TUBA4A: variants seen among roughly 807,000 people sequenced by gnomAD.
TUBA4A encodes tubulin alpha-4A chain.
TUBA4A carries 23 observed loss-of-function variants against 34.3 expected under a neutral mutation model. That is an observed-to-expected ratio of 0.67 (90% CI 0.48 to 0.95). The LOEUF (loss-of-function observed/expected upper bound fraction) is 0.95, where lower values mean the gene tolerates loss of function less well. Among genes scored for constraint, TUBA4A ranks in the 40% least tolerant of loss-of-function variants. The pLI, the probability that TUBA4A is intolerant of heterozygous loss-of-function variation, is 0.00. For missense variants in TUBA4A, 279 were observed against 599.0 expected (o/e 0.47, Z 5.58); for synonymous variants, 216 against 230.5 (o/e 0.94, Z 0.57).
chr2:219,251,831 T>A lies in TUBA4A; in HGVS notation c.227-118A>T. On this transcript the variant is annotated intron_variant, in intron 2 of 3. Transcript: ENST00000248437. This position sits in a 1 kb window ranked among gnomAD's most constrained non-coding sequence, Gnocchi z 6.1. ...CCTGCCAGCCTGAGATACCAGAGTG[T>A]GAGAGAAACCCAGACCAGCTGCCCA... is the stretch of plus-strand genomic sequence containing the variant. 1.4e-6 allele frequency: 2 copies of A among 1,435,470 alleles called. No individual in the cohort carries two copies. Among genetic ancestry groups the A allele is most frequent in the Non-Finnish European group, 1.9e-6 (2 of 1,062,788 alleles). The allele number at this position is 1,435,470 out of a possible 1,614,324, so 88.9% of individuals were successfully genotyped here.
chr2:219,253,768 G>T, intron 1 of TUBA4A, 88 bp downstream of exon 1: 1 of 1,464,902 alleles, frequency 6.8e-7, no homozygotes, highest in Non-Finnish European at 9.3e-7. Context: ...ACGCCCGGTG[G>T]AGGTCCCCGA....
rs1193977522 is a variant in TUBA4A at position 219,252,568 on chromosome 2, C to T, written c.4-338G>A. 7.0e-6 allele frequency among the ~76,000 whole-genome samples: 1 copy of T among 142,766 alleles called. No homozygotes were observed. Among genetic ancestry groups the T allele is most frequent in the Non-Finnish European group, 1.5e-5 (1 of 65,250 alleles). 93.7% of individuals were successfully genotyped at this position (142,766 alleles called of 152,430 possible). A position where few individuals can be genotyped will look rare whatever the true frequency, so the allele number is the denominator to read the frequency against. On this transcript the variant is annotated intron_variant, in intron 1 of 3. Coordinates refer to ENST00000248437, the MANE Select transcript of TUBA4A (RefSeq NM_006000.3). This position sits in a 1 kb window ranked among gnomAD's most constrained non-coding sequence, Gnocchi z 4.1. ...CCCCCCCCACTTGATTAATTATTTG[C>T]TTTGAGTATGAACAGCTAGAATTCA... is the stretch of plus-strand genomic sequence containing the variant.
At chr2:219,253,052 G>T (rs1275535446) in intron 1 of TUBA4A, 6 of 1,022,120 alleles carry the variant, frequency 5.9e-6, no homozygotes, top group Non-Finnish European at 8.6e-6. Context: ...CTTGTCCCGG[G>T]CAGGATGGGC....
chr2:219,253,808 AG>A, intron 1 of TUBA4A, 47 bp downstream of exon 1: 1 of 1,538,078 alleles, frequency 6.5e-7, no homozygotes, highest in Non-Finnish European at 8.8e-7. Flanking sequence ...CCCCCAAAGG[AG>A]AGGGGCAATT....
chr2:219,251,842 C>T lies in TUBA4A; in HGVS notation c.227-129G>A. On this transcript the variant is annotated intron_variant, in intron 2 of 3. Coordinates refer to ENST00000248437, the MANE Select transcript of TUBA4A (RefSeq NM_006000.3). The surrounding 1 kb of genome is among the most constrained non-coding windows in gnomAD (Gnocchi z 6.1). ...GAGATACCAGAGTGTGAGAGAAACC[C>T]AGACCAGCTGCCCAGGCCAGTCTCA... is the stretch of plus-strand genomic sequence containing the variant. 1 of 1,397,146 alleles carries T rather than the reference C, an allele frequency of 7.2e-7. No homozygotes were observed. 86.5% of individuals were successfully genotyped at this position (1,397,146 alleles called of 1,614,324 possible). A position where few individuals can be genotyped will look rare whatever the true frequency, so the allele number is the denominator to read the frequency against.
At chr2:219,253,708 G>A (rs1951687439) in intron 1 of TUBA4A, 148 bp downstream of exon 1, 1 of 991,688 alleles carries the variant, frequency 1.0e-6, no homozygotes, top group Non-Finnish European at 1.5e-6. Context: ...TCACCAGGAG[G>A]GGGTTGGGGA....
chr2:219,253,354 C>CGGG (rs60456844), intron 1 of TUBA4A: 2,350 of 1,299,018 alleles, frequency 1.8e-3, no homozygotes, highest in South Asian at 0.012. Context: ...TGCTGAGTCA[C>CGGG]GGGGGGGGGG....
At position 219,251,424 on chromosome 2, in the gene TUBA4A, C is replaced by G; in HGVS notation, c.376-101G>C. On this transcript the variant is annotated intron_variant, in intron 3 of 3. Transcript: ENST00000248437. This position sits in a 1 kb window ranked among gnomAD's most constrained non-coding sequence, Gnocchi z 6.1. ...GCGTAAGATACATCAGCAGTCAGGGCAAATACTGAGGATGCCATAGCAGCA... is the reference window on the plus strand; with the variant it reads ...GCGTAAGATACATCAGCAGTCAGGGGAAATACTGAGGATGCCATAGCAGCA... 6.5e-7 allele frequency: 1 copy of G among 1,537,426 alleles called. No homozygotes were observed. The highest frequency in any genetic ancestry group is 8.8e-7 in the Non-Finnish European group (1 of 1,138,826).
intron 1 of TUBA4A, chr2:219,253,375 G>A (rs1317207812): frequency 6.5e-7 from 1 of 1,535,592 alleles, no homozygotes; most frequent in Non-Finnish European, 8.7e-7. Context: ...TGGTTCTGTG[G>A]ATAGTTGGAA....
chr2:219,250,210 A>G lies in TUBA4A; in HGVS notation c.*142T>C. ...GCGATGGAAGGGATAAGGGTCATGA[A>G]CAGCAAACAGAGCAGCAGCAGCATG... is the stretch of plus-strand genomic sequence containing the variant. On this transcript the variant is annotated 3_prime_UTR_variant, in exon 4 of 4. Transcript: ENST00000248437. The surrounding 1 kb of genome is among the most constrained non-coding windows in gnomAD (Gnocchi z 8.4). 8.0e-7 allele frequency: 1 copy of G among 1,252,308 alleles called. No individual in the cohort carries two copies. The highest frequency in any genetic ancestry group is 1.1e-6 in the Non-Finnish European group (1 of 893,790). 77.6% of individuals were successfully genotyped at this position (1,252,308 alleles called of 1,614,324 possible).
rs575169424 is a variant in TUBA4A at position 219,251,153 on chromosome 2, G to A, written c.546C>T (p.Val182=). 40 of 1,614,120 alleles carry A rather than the reference G, an allele frequency of 2.5e-5. No individual in the cohort carries two copies. The highest frequency in any genetic ancestry group is 2.3e-4 in the Admixed American group (14 of 60,024). Residue 182 remains valine, a synonymous_variant, in exon 4 of 4, where the codon GTC becomes GTT. Coordinates refer to ENST00000248437, the MANE Select transcript of TUBA4A (RefSeq NM_006000.3). This position sits in a 1 kb window ranked among gnomAD's most constrained non-coding sequence, Gnocchi z 6.1. ...TGGTCAGGATAGAGTTGTAGGGCTC[G>A]ACCACGGCTGTAGACACCTGGGGGG... is the stretch of plus-strand genomic sequence containing the variant. ...YPAPQVSTAV[V]EPYNSILTTH...
In TUBA4A at chr2:219,253,058, TG is replaced by T. The variant is rs555802911; in HGVS notation, c.3+797del. ...GTGACCCGCCTTGTCCCGGGCAGGA[TG>T]GGCGCCATCCTGCAGCCCAGCCCTA... On this transcript the variant is annotated intron_variant, in intron 1 of 3. Transcript: ENST00000248437. 1,410 of 1,092,940 alleles carry T rather than the reference TG, an allele frequency of 1.3e-3. 17 individuals carry two copies. The South Asian group carries it at 0.018, about 14-fold the overall frequency. The allele number at this position is 1,092,940 out of a possible 1,614,324, so 67.7% of individuals were successfully genotyped here. A position where few individuals can be genotyped will look rare whatever the true frequency, so the allele number is the denominator to read the frequency against.
At position 219,253,187 on chromosome 2, in the gene TUBA4A, AC is replaced by A. The variant is rs1454236638; in HGVS notation, c.3+668del. ...GCTATAAATACCACCCCCTACATGC[AC>A]CTCTCTCCCCTCCCCCCAACCTGGC... is the stretch of plus-strand genomic sequence containing the variant. On this transcript the variant is annotated intron_variant, in intron 1 of 3. Coordinates refer to ENST00000248437, the MANE Select transcript of TUBA4A (RefSeq NM_006000.3). The A allele has an allele frequency of 3.3e-6, 5 of 1,500,568 alleles. No homozygotes were observed. In the African/African-American group the frequency reaches 5.8e-5, roughly 17 times the overall value. 93.0% of individuals were successfully genotyped at this position (1,500,568 alleles called of 1,614,324 possible).
chr2:219,253,489 G>A (rs937880265), intron 1 of TUBA4A: 2 of 1,262,018 alleles, frequency 1.6e-6, no homozygotes, highest in Admixed American at 2.0e-5. Flanking sequence ...AGGGACTGGG[G>A]ATGTAAGAGG....
In TUBA4A at chr2:219,250,878, G is replaced by A. The variant is rs758365970; in HGVS notation, c.821C>T (p.Pro274Leu). Residue 274 changes from proline to leucine, a missense_variant, in exon 4 of 4, where the codon CCA becomes CTA. By Grantham distance (98) the Pro-to-Leu change is moderately conservative. This residue lies in a region of TUBA4A where 108 missense variants were observed against 299.9 expected (regional missense o/e 0.36). Transcript: ENST00000248437. The surrounding 1 kb of genome is among the most constrained non-coding windows in gnomAD (Gnocchi z 8.4). ...RIHFPLATYA[P>L]VISAEKAYHE... ...GTATGCCTTTTCTGCAGAGATGACT[G>A]GTGCATAGGTGGCCAGGGGGAAGTG... The A allele has an allele frequency of 6.2e-7, 1 of 1,614,142 alleles. No individual in the cohort carries two copies. Among genetic ancestry groups the A allele is most frequent in the South Asian group, 1.1e-5 (1 of 91,080 alleles).
At chr2:219,253,512 G>A in intron 1 of TUBA4A, 1 of 1,079,042 alleles carries the variant, frequency 9.3e-7, no homozygotes, top group Non-Finnish European at 1.4e-6. Flanking sequence ...AGCCAAACCC[G>A]TCTTCTTTTG....
chr2:219,252,845 G>A lies in TUBA4A; in HGVS notation c.4-615C>T, dbSNP rs1951670862. 4.2e-6 allele frequency: 2 copies of A among 472,158 alleles called. No individual in the cohort carries two copies. The highest frequency in any genetic ancestry group is 4.0e-5 in the African/African-American group (2 of 50,104). The allele number at this position is 472,158 out of a possible 1,614,324, so 29.2% of individuals were successfully genotyped here. On this transcript the variant is annotated intron_variant, in intron 1 of 3. Transcript: ENST00000248437. The surrounding 1 kb of genome is among the most constrained non-coding windows in gnomAD (Gnocchi z 4.1). ...GTAATGCTTGTAAGCTCAGACAGCA[G>A]GGGCCAGCAATAAGGTTTGAGGGTA...
At chr2:219,253,950 C>CGGG (rs3051654), upstream of TUBA4A, 7 of 509,200 alleles carry the variant, frequency 1.4e-5, no homozygotes, top group African/African-American at 8.3e-5. Flanking sequence ...CCCTTATAGG[C>CGGG]GGGGGGGGGG....
At position 219,250,579 on chromosome 2, in the gene TUBA4A, C is replaced by A; in HGVS notation, c.1120G>T (p.Ala374Ser). The A allele has an allele frequency of 6.2e-7, 1 of 1,614,246 alleles. No individual in the cohort carries two copies. Among genetic ancestry groups the A allele is most frequent in the Non-Finnish European group, 8.5e-7 (1 of 1,180,044 alleles). ...GTCGTGTTGCTCAGCATGCACACGG[C>A]ACGCTGCACCTTGGCCAGGTCACCC... ...PGGDLAKVQR[A>S]VCMLSNTTAI... Residue 374 changes from alanine to serine, a missense_variant, in exon 4 of 4, where the codon GCC becomes TCC. By Grantham distance (99) the Ala-to-Ser change is moderately conservative. Around this residue, in one of 3 missense-constraint regions of TUBA4A, gnomAD observed 73 missense variants for 128.0 expected, o/e 0.57. Transcript: ENST00000248437. The surrounding 1 kb of genome is among the most constrained non-coding windows in gnomAD (Gnocchi z 8.4).
Sources: allele counts gnomAD v4.1 joint callset (sites outside exome capture counted in the v4.1 genomes callset), GRCh38; gene constraint gnomAD v4.1.1; regional missense constraint gnomAD v4.1.1; non-coding constraint Gnocchi (gnomAD v3.1); transcripts MANE v1.5; gene names NCBI Gene and HGNC (gene_info 2026-07-23, HGNC 2026-07-21).